SH3D19: variants seen among roughly 807,000 people sequenced by gnomAD.
SH3D19 encodes the protein SH3 domain-containing protein 19.
Under a neutral mutation model 112.1 loss-of-function variants are expected in SH3D19, and 58 were observed. The ratio of observed to expected loss-of-function variants is 0.52; its 90% CI spans 0.42 to 0.64. The LOEUF (loss-of-function observed/expected upper bound fraction) is 0.64, where lower values mean the gene tolerates loss of function less well. SH3D19 is among the 30% of genes least tolerant of loss of function. The pLI is 0.00. For missense variants in SH3D19, 1,090 were observed against 1,263.4 expected (o/e 0.86, Z 2.08); for synonymous variants, 391 against 448.5 (o/e 0.87, Z 1.62).
chr4:151,213,047 TA>T (rs1766227680), intron 2 of SH3D19, among the ~76,000 whole-genome samples: 1 of 152,230 alleles, frequency 6.6e-6, no homozygotes, highest in Non-Finnish European at 1.5e-5. Context: ...AAGTGGACCC[TA>T]AAGATGTGAC....
At chr4:151,235,491 A>G (rs1439344403) in intron 1 of SH3D19, among the ~76,000 whole-genome samples, 2 of 152,206 alleles carry the variant, frequency 1.3e-5, no homozygotes, top group East Asian at 3.9e-4. Flanking sequence ...TGAGGATAAA[A>G]CATTTCTTAC....
intron 1 of SH3D19, among the ~76,000 whole-genome samples, chr4:151,271,280 A>G (rs1244490819): frequency 6.6e-6 from 1 of 152,232 alleles, no homozygotes; most frequent in Non-Finnish European, 1.5e-5. Flanking sequence ...TTTCCAATAT[A>G]GTAGACTGAT....
intron 2 of SH3D19, among the ~76,000 whole-genome samples, chr4:151,223,598 A>G (rs2149942464): frequency 6.6e-6 from 1 of 152,304 alleles, no homozygotes; most frequent in East Asian, 1.9e-4. Flanking sequence ...GAATTCTGCT[A>G]GTTTCCTCCA....
At chr4:151,276,564 T>C (rs1157089574) in intron 1 of SH3D19, among the ~76,000 whole-genome samples, 1 of 152,182 alleles carries the variant, frequency 6.6e-6, no homozygotes, top group Non-Finnish European at 1.5e-5. Flanking sequence ...ACTTGTGAGA[T>C]AGGCTGTGGC....
chr4:151,194,175 G>A (rs1461967321), intron 2 of SH3D19, among the ~76,000 whole-genome samples: 1 of 151,504 alleles, frequency 6.6e-6, no homozygotes, highest in Non-Finnish European at 1.5e-5. Flanking sequence ...ACAGGTGCCC[G>A]CCACCACGCC....
chr4:151,230,678 T>A (rs1422968433), intron 1 of SH3D19, among the ~76,000 whole-genome samples: 1 of 151,504 alleles, frequency 6.6e-6, no homozygotes, highest in Non-Finnish European at 1.5e-5. Context: ...CTGCAATCTC[T>A]GCCTCCCAGG....
intron 2 of SH3D19, among the ~76,000 whole-genome samples, chr4:151,193,094 G>A (rs970957641): frequency 1.3e-5 from 2 of 151,950 alleles, no homozygotes; most frequent in African/African-American, 4.8e-5. Context: ...CTCATAGAGA[G>A]AAAGAAATAT....
At chr4:151,239,821 A>T (rs2149966296) in intron 1 of SH3D19, among the ~76,000 whole-genome samples, 1 of 152,354 alleles carries the variant, frequency 6.6e-6, no homozygotes, top group South Asian at 2.1e-4. Context: ...TCAGCATAAA[A>T]TTAGATAATA....
At chr4:151,310,673 G>A (rs770516095) in intron 1 of SH3D19, among the ~76,000 whole-genome samples, 3 of 151,478 alleles carry the variant, frequency 2.0e-5, no homozygotes, top group Non-Finnish European at 4.4e-5. Flanking sequence ...CCGGGTTCAA[G>A]TGATTCTCAT....
At chr4:151,181,013 T>G (rs2149837940) in intron 3 of SH3D19, among the ~76,000 whole-genome samples, 1 of 150,802 alleles carries the variant, frequency 6.6e-6, no homozygotes, top group East Asian at 2.0e-4. Context: ...GACCTCGTGA[T>G]CCTCCCACCT....
At chr4:151,300,215 G>A (rs1728252384) in intron 1 of SH3D19, among the ~76,000 whole-genome samples, 1 of 151,344 alleles carries the variant, frequency 6.6e-6, no homozygotes, top group Admixed American at 6.6e-5. Flanking sequence ...AAAAAAAAAT[G>A]TCAACCTAGC....
intron 1 of SH3D19, among the ~76,000 whole-genome samples, chr4:151,289,752 A>G (rs778814600): frequency 1.3e-5 from 2 of 152,162 alleles, no homozygotes; most frequent in Non-Finnish European, 2.9e-5. Flanking sequence ...TCCTAGGTAT[A>G]TGACCAAGAA....
At chr4:151,230,314 C>CA (rs1284701961) in intron 1 of SH3D19, among the ~76,000 whole-genome samples, 4 of 152,120 alleles carry the variant, frequency 2.6e-5, no homozygotes, top group Non-Finnish European at 1.5e-5. Flanking sequence ...ATGGAGATGA[C>CA]AAAAATGCAA....
intron 2 of SH3D19, among the ~76,000 whole-genome samples, chr4:151,213,321 C>T (rs749817844): frequency 1.2e-4 from 18 of 152,088 alleles, no homozygotes; most frequent in South Asian, 2.1e-4. Flanking sequence ...AAGAGTCAAT[C>T]GATGTGGCAA....
Position 151,139,943 on chromosome 4 carries a change from C to T in SH3D19, c.2224-96G>A, listed in dbSNP as rs539728078. 8.4e-5 allele frequency: 80 copies of T among 948,726 alleles called. No individual in the cohort carries two copies. In the East Asian group the frequency reaches 2.0e-3, roughly 23 times the overall value. The allele number at this position is 948,726 out of a possible 1,614,324, so 58.8% of individuals were successfully genotyped here. Reference sequence around the variant, plus strand: ...CAATTTTTTTTTTCTCATTAGAGTCCTCTTGACACAATTACATTATGAGTA... The same window carrying T: ...CAATTTTTTTTTTCTCATTAGAGTCTTCTTGACACAATTACATTATGAGTA... On this transcript the variant is annotated intron_variant, in intron 12 of 19. Coordinates refer to ENST00000604030, the MANE Select transcript of SH3D19 (RefSeq NM_001378122.1).
At chr4:151,265,579 T>C (rs868364730) in intron 1 of SH3D19, among the ~76,000 whole-genome samples, 81 of 144,440 alleles carry the variant, frequency 5.6e-4, no homozygotes, top group Middle Eastern at 3.5e-3. Context: ...CTTTTTTTTT[T>C]TTTTTTTTTT....
Position 151,128,369 on chromosome 4 carries a change from T to C in SH3D19, c.2743-13A>G, listed in dbSNP as rs1160516941. ...GAAGACTGTTAACCTGTTATCAAAT[T>C]AGAGGTGTGGTCAGAAGTGTAAGAT... On this transcript the variant is annotated splice_polypyrimidine_tract_variant and intron_variant, in intron 17 of 19. Coordinates refer to ENST00000604030, the MANE Select transcript of SH3D19 (RefSeq NM_001378122.1). 6.2e-7 allele frequency: 1 copy of C among 1,606,128 alleles called. No homozygotes were observed. Among genetic ancestry groups the C allele is most frequent in the Non-Finnish European group, 8.5e-7 (1 of 1,175,606 alleles).
intron 1 of SH3D19, among the ~76,000 whole-genome samples, chr4:151,239,363 C>T (rs1258380887): frequency 6.6e-6 from 1 of 152,210 alleles, no homozygotes; most frequent in Non-Finnish European, 1.5e-5. Flanking sequence ...CCTCTCCACA[C>T]CTCTGCAAGC....
At chr4:151,238,867 T>C (rs1770341660) in intron 1 of SH3D19, among the ~76,000 whole-genome samples, 1 of 152,130 alleles carries the variant, frequency 6.6e-6, no homozygotes, top group Non-Finnish European at 1.5e-5. Flanking sequence ...ACAACGTCTG[T>C]TGCAAATTCA....
Sources: allele counts gnomAD v4.1 joint callset (sites outside exome capture counted in the v4.1 genomes callset), GRCh38; gene constraint gnomAD v4.1.1; transcripts MANE v1.5; gene names NCBI Gene and HGNC (gene_info 2026-07-23, HGNC 2026-07-21).